Variants in SNX11 observed in about 807,000 individuals in gnomAD.
The protein encoded by SNX11 is sorting nexin 11.
A neutral mutation model predicts 30.7 loss-of-function variants in SNX11; 19 were observed. That is an observed-to-expected ratio of 0.62 (90% CI 0.43 to 0.91). The LOEUF is 0.91. Ranked by LOEUF, SNX11 falls within the 40% of genes least tolerant of loss-of-function variation. The pLI is 0.00. For synonymous variants in SNX11, 112 were observed against 119.0 expected, an observed-to-expected ratio of 0.94 and a Z score of 0.38; for missense variants, 302 against 326.7, an observed-to-expected ratio of 0.92 and a Z score of 0.58.
chr17:48,121,582 G>A lies in SNX11; in HGVS notation c.*74G>A. 6.6e-7 allele frequency: 1 copy of A among 1,524,668 alleles called. No homozygotes were observed. Among genetic ancestry groups the A allele is most frequent in the Non-Finnish European group, 8.9e-7 (1 of 1,118,998 alleles). The allele number at this position is 1,524,668 out of a possible 1,614,324, so 94.4% of individuals were successfully genotyped here. On this transcript the variant is annotated 3_prime_UTR_variant, in exon 7 of 7. Coordinates refer to ENST00000359238, the MANE Select transcript of SNX11 (RefSeq NM_013323.3). ...CTTACTCAGGTGGGACTGGGCACAG[G>A]GCAGGTATGTGGGAGGCTGGGCTGC...
intron 1 of SNX11, chr17:48,111,141 T>C (rs2063487988): frequency 6.1e-6 from 6 of 985,244 alleles, no homozygotes; most frequent in Non-Finnish European, 7.2e-6. Context: ...ATTAGAACAA[T>C]TGGCTCGGGT....
At chr17:48,111,288 T>C (rs1007101048) in intron 1 of SNX11, among the ~76,000 whole-genome samples, 5 of 152,064 alleles carry the variant, frequency 3.3e-5, no homozygotes, top group African/African-American at 1.2e-4. Context: ...TGCAGAAGCA[T>C]TGGTGTTTGT....
At chr17:48,120,081 G>A (rs910696022) in intron 6 of SNX11, among the ~76,000 whole-genome samples, 2 of 151,494 alleles carry the variant, frequency 1.3e-5, no homozygotes, top group African/African-American at 4.9e-5. Context: ...ATTTTATCAT[G>A]TGTCATTACT....
rs915758857 is a variant in SNX11 at position 48,109,233 on chromosome 17, G to T, written c.-14+1395G>T. Among the ~76,000 whole-genome samples the T allele has an allele frequency of 2.0e-5, 3 of 150,328 alleles. No homozygotes were observed. In the Admixed American group the frequency reaches 2.0e-4, roughly 10 times the overall value. On this transcript the variant is annotated intron_variant, in intron 1 of 6. Coordinates refer to ENST00000359238, the MANE Select transcript of SNX11 (RefSeq NM_013323.3). ...AGGCGTGAGCCACTGGGCCAGCCCA[G>T]TGTTTTTAAGGACAGTTACAACTGA...
chr17:48,115,223 A>C (rs974624352), intron 4 of SNX11, among the ~76,000 whole-genome samples: 1 of 151,236 alleles, frequency 6.6e-6, no homozygotes, highest in Admixed American at 6.6e-5. Flanking sequence ...CCCCACGCCC[A>C]GCTAATTTTT....
chr17:48,109,052 T>C (rs2063464040), intron 1 of SNX11, among the ~76,000 whole-genome samples: 1 of 152,000 alleles, frequency 6.6e-6, no homozygotes, highest in Admixed American at 6.6e-5. Context: ...CATGCCTCAG[T>C]CTCCCGAGTA....
chr17:48,121,508 A>T lies in SNX11; in HGVS notation c.813A>T (p.Ter271CysextTer44). Residue 271 changes from the stop codon to cysteine (C), a stop_lost, in exon 7 of 7, where the codon TGA (stop) becomes TGT (cysteine). Coordinates refer to ENST00000359238, the MANE Select transcript of SNX11 (RefSeq NM_013323.3). ...AGTTAGAAACAGTTTTGGAAAAGTG[A>T]GCTCTGGGTTCTGCTCTGAGATGGT... Reference protein sequence around the residue: ...PGQLETVLEK* With the variant: ...PGQLETVLEKC 1 of 1,613,048 alleles carries T rather than the reference A, an allele frequency of 6.2e-7. No individual in the cohort carries two copies. Among genetic ancestry groups the T allele is most frequent in the Non-Finnish European group, 8.5e-7 (1 of 1,179,900 alleles).
intron 1 of SNX11, among the ~76,000 whole-genome samples, chr17:48,111,374 G>A (rs928834837): frequency 4.5e-4 from 68 of 152,122 alleles, no homozygotes; most frequent in Non-Finnish European, 8.8e-4. Context: ...CTGGCAGGGC[G>A]TGGTGGCTCC....
chr17:48,116,730 G>T (rs1170035886), intron 4 of SNX11, among the ~76,000 whole-genome samples: 3 of 151,176 alleles, frequency 2.0e-5, no homozygotes, highest in Non-Finnish European at 2.9e-5. Context: ...ACCACGGCTG[G>T]CTAATTTTTG....
rs1172581928 is a variant in SNX11 at position 48,121,534 on chromosome 17, C to G, written c.*26C>G. On this transcript the variant is annotated 3_prime_UTR_variant, in exon 7 of 7. Transcript: ENST00000359238. ...GCTCTGGGTTCTGCTCTGAGATGGT[C>G]AGAGAAGATGCGGGCCAGGAGACTT... 2 of 1,608,890 alleles carry G rather than the reference C, an allele frequency of 1.2e-6. No individual in the cohort carries two copies. The highest frequency in any genetic ancestry group is 3.3e-5 in the Admixed American group (2 of 59,808).
At chr17:48,112,535 C>CTG in intron 2 of SNX11, 39 bp from the exon 3 acceptor site, 1 of 1,388,552 alleles carries the variant, frequency 7.2e-7, no homozygotes, top group Non-Finnish European at 1.0e-6. Context: ...AGCTGCCTTG[C>CTG]TGTGTAGCTG....
intron 6 of SNX11, among the ~76,000 whole-genome samples, chr17:48,119,851 A>T (rs1221243536): frequency 1.3e-5 from 2 of 152,180 alleles, no homozygotes; most frequent in African/African-American, 2.4e-5. Context: ...CAGCCACCAC[A>T]GTCAATTTTA....
chr17:48,113,466 G>A, intron 4 of SNX11, 65 bp downstream of exon 4: 1 of 1,051,026 alleles, frequency 9.5e-7, no homozygotes, highest in Non-Finnish European at 1.5e-6. Context: ...TGTAGGAACT[G>A]GAGTTGACAA....
At chr17:48,111,058 C>T (rs77028374) in intron 1 of SNX11, 64,866 of 983,176 alleles carry the variant, frequency 0.066, 2,292 homozygotes, top group South Asian at 0.076. Flanking sequence ...AGAACGCATC[C>T]TGAGTCGACC....
intron 4 of SNX11, 141 bp downstream of exon 4, chr17:48,113,542 T>A (rs368352788): frequency 1.7e-6 from 1 of 597,172 alleles, no homozygotes; most frequent in Admixed American, 3.0e-5. Context: ...TTTTTTTGTT[T>A]TTTGGGTTTT....
rs756941704 is a variant in SNX11, at chr17:48,121,458, C to A, written c.763C>A (p.His255Asn). ...TGTGAGGAGGGCTGTGGGAGGAGAT[C>A]ATGCTGTGCCTTTGGACCCTGGTCA... ...QSVRRAVGGD[H>N]AVPLDPGQLE... Residue 255 changes from histidine (H) to asparagine (N), a missense_variant, in exon 7 of 7, where the codon CAT becomes AAT. Physicochemically the swap from His to Asn is moderately conservative, Grantham distance 68. Transcript: ENST00000359238. 5 of 1,613,982 alleles carry A rather than the reference C, an allele frequency of 3.1e-6. No individual in the cohort carries two copies. Among genetic ancestry groups the A allele is most frequent in the Non-Finnish European group, 4.2e-6 (5 of 1,180,042 alleles).
chr17:48,119,246 G>C, intron 6 of SNX11, 60 bp downstream of exon 6: 10 of 1,302,554 alleles, frequency 7.7e-6, no homozygotes, highest in Non-Finnish European at 1.1e-5. Context: ...GGACCAGAGA[G>C]GTGTCCATTT....
In SNX11 at chr17:48,118,959, C is replaced by G. The variant is rs762667557; in HGVS notation, c.327-15C>G. 6.2e-7 allele frequency: 1 copy of G among 1,612,676 alleles called. No homozygotes were observed. Among genetic ancestry groups the G allele is most frequent in the Non-Finnish European group, 8.5e-7 (1 of 1,179,080 alleles). On this transcript the variant is annotated splice_polypyrimidine_tract_variant and intron_variant, in intron 5 of 6. Coordinates refer to ENST00000359238, the MANE Select transcript of SNX11 (RefSeq NM_013323.3). ...AGGGTGATGCTCTGTGTTGTGCTACCTGTGTTTTTCCCAGGGTCCTGCAGA... is the reference window on the plus strand; with the variant it reads ...AGGGTGATGCTCTGTGTTGTGCTACGTGTGTTTTTCCCAGGGTCCTGCAGA...
rs1238245288 is a variant in SNX11, at chr17:48,123,388, C to A, written c.*1880C>A. 6.6e-6 allele frequency among the ~76,000 whole-genome samples: 1 copy of A among 151,946 alleles called. No homozygotes were observed. Among genetic ancestry groups the A allele is most frequent in the African/African-American group, 2.4e-5 (1 of 41,366 alleles). On this transcript the variant is annotated 3_prime_UTR_variant, in exon 7 of 7. Coordinates refer to ENST00000359238, the MANE Select transcript of SNX11 (RefSeq NM_013323.3). ...TGATCTCGAAACTTCCAGACAGGAG[C>A]TGGAGGTGGTCTGTGTCAATTCCCT...
Sources: gnomAD v4.1 joint callset for allele counts (sites outside exome capture counted in the v4.1 genomes callset) on GRCh38, gnomAD v4.1.1 for gene constraint, MANE v1.5 for transcripts, NCBI Gene and HGNC (gene_info 2026-07-23, HGNC 2026-07-21) for gene names.